Variants in STK11 observed in about 807,000 individuals in gnomAD.
STK11 encodes the protein serine/threonine-protein kinase STK11.
STK11 carries 8 observed loss-of-function variants against 47.3 expected under a neutral mutation model. The ratio of observed to expected loss-of-function variants is 0.17; its 90% confidence interval spans 0.10 to 0.31. The LOEUF (loss-of-function observed/expected upper bound fraction) is 0.31. Among genes scored for constraint, STK11 ranks in the 10% least tolerant of loss-of-function variants. The pLI, the probability that STK11 is intolerant of heterozygous loss-of-function variation, is 1.00. For synonymous variants in STK11, 330 were observed against 255.8 expected (o/e 1.29, Z -2.77); for missense variants, 475 against 605.0 (o/e 0.79, Z 2.25).
intron 8 of STK11, chr19:1,224,673 C>G: frequency 1.0e-6 from 1 of 985,614 alleles, no homozygotes; most frequent in Non-Finnish European, 1.2e-6. Flanking sequence ...CTGTGTGAGA[C>G]CTGGGCTGCC....
intron 8 of STK11, chr19:1,226,210 G>T: frequency 7.3e-7 from 1 of 1,361,440 alleles, no homozygotes; most frequent in East Asian, 2.9e-5. Context: ...CATGGCAGGT[G>T]CAACAGACGT....
intron 1 of STK11, among the ~76,000 whole-genome samples, chr19:1,211,095 C>T (rs1160323359): frequency 6.6e-6 from 1 of 151,718 alleles, no homozygotes; most frequent in African/African-American, 2.4e-5. Flanking sequence ...GCCAATATGG[C>T]GAAACTCCGT....
intron 8 of STK11, chr19:1,225,674 C>T: frequency 2.0e-6 from 2 of 985,592 alleles, no homozygotes; most frequent in African/African-American, 3.5e-5. Flanking sequence ...GGAGCTGGGG[C>T]TCTGCACTGG....
In STK11 at chr19:1,206,725, C is replaced by T. The variant is rs984376251; in HGVS notation, c.-189C>T. On this transcript the variant is annotated 5_prime_UTR_variant, in exon 1 of 10. Transcript: ENST00000326873. ...CCTGCACCGGGCTTGGACTCGCAGC[C>T]GGGACTGACGTGTAGAACAATCGTT... is the stretch of plus-strand genomic sequence containing the variant. 11 of 809,060 alleles carry T rather than the reference C, an allele frequency of 1.4e-5. No individual in the cohort carries two copies. Among genetic ancestry groups the T allele is most frequent in the African/African-American group, 5.2e-5 (3 of 57,552 alleles). 50.1% of individuals were successfully genotyped at this position (809,060 alleles called of 1,614,324 possible).
intron 1 of STK11, among the ~76,000 whole-genome samples, chr19:1,208,883 A>G (rs958423281): frequency 1.3e-5 from 2 of 150,538 alleles, no homozygotes; most frequent in Admixed American, 1.3e-4. Context: ...AGCCTCCCAA[A>G]GTGCTGGGAT....
chr19:1,210,797 G>T lies in STK11; in HGVS notation c.290+3594G>T, dbSNP rs574065348. The stretch of plus-strand genomic sequence containing the variant: ...GAATCACTTGAACCCGGGAAGCAGA[G>T]GTTGCGGTGAGCCAAGACCATGCCA... On this transcript the variant is annotated intron_variant, in intron 1 of 9. Coordinates refer to ENST00000326873, the MANE Select transcript of STK11 (RefSeq NM_000455.5). Among the ~76,000 whole-genome samples, 5 of 152,132 alleles carry T rather than the reference G, an allele frequency of 3.3e-5. No individual in the cohort carries two copies. The East Asian group carries it at 9.7e-4, about 29-fold the overall frequency.
chr19:1,226,390 C>T (rs2080820925), intron 8 of STK11, 64 bp from the exon 9 acceptor site: 2 of 1,571,338 alleles, frequency 1.3e-6, no homozygotes, highest in South Asian at 1.2e-5. Context: ...GGGGGCCAGC[C>T]AGGTCCCTGT....
At chr19:1,219,544 G>GT (rs1407132459) in intron 3 of STK11, 131 bp downstream of exon 3, 4 of 948,240 alleles carry the variant, frequency 4.2e-6, no homozygotes, top group Non-Finnish European at 6.1e-6. Flanking sequence ...TTGTTTTTTT[G>GT]TTTTTTTGTG....
chr19:1,206,815 C>G lies in STK11; in HGVS notation c.-99C>G. On this transcript the variant is annotated 5_prime_UTR_variant, in exon 1 of 10. Transcript: ENST00000326873. ...TTGTTGCCTTTTTTTTTTCTTTTTT[C>G]TTTGTAAAATTTTGGAGAAGGGAAG... 2.3e-6 allele frequency: 3 copies of G among 1,305,648 alleles called. No homozygotes were observed. The highest frequency in any genetic ancestry group is 3.0e-6 in the Non-Finnish European group (3 of 1,001,680). The allele number at this position is 1,305,648 out of a possible 1,614,324, so 80.9% of individuals were successfully genotyped here.
chr19:1,226,465 G>A lies in STK11; in HGVS notation c.1120G>A (p.Glu374Lys), dbSNP rs587782287. 4.3e-6 allele frequency: 7 copies of A among 1,610,966 alleles called. No individual in the cohort carries two copies. Among genetic ancestry groups the A allele is most frequent in the African/African-American group, 4.0e-5 (3 of 74,908 alleles). Residue 374 changes from glutamate to lysine, a missense_variant, in exon 9 of 10, where the codon GAA becomes AAA. This residue lies in a region of STK11 where 219 missense variants were observed against 189.2 expected (regional missense o/e 1.16). Coordinates refer to ENST00000326873, the MANE Select transcript of STK11 (RefSeq NM_000455.5). The stretch of plus-strand genomic sequence containing the variant: ...CGTCTCCCTCCCAGGACAGGTCCCA[G>A]AAGAGGAGGCCAGTCACAATGGACA... ...QDFTVPGQVPEEEASHNGQRR... is the reference protein window; with the variant it reads ...QDFTVPGQVPKEEASHNGQRR...
Position 1,223,495 on chromosome 19 carries a change from C to T in STK11, c.1108+323C>T, listed in dbSNP as rs1038963542. ...CCAGCAGGAGCAGGCGGGGGAGCCCCAGGGTCGGGGGAGGGTAGGTGAGAG... is the reference window on the plus strand; with the variant it reads ...CCAGCAGGAGCAGGCGGGGGAGCCCTAGGGTCGGGGGAGGGTAGGTGAGAG... On this transcript the variant is annotated intron_variant, in intron 8 of 9. Coordinates refer to ENST00000326873, the MANE Select transcript of STK11 (RefSeq NM_000455.5). 8 of 890,180 alleles carry T rather than the reference C, an allele frequency of 9.0e-6. No homozygotes were observed. In the South Asian group the frequency reaches 1.8e-4, roughly 20 times the overall value. The allele number at this position is 890,180 out of a possible 1,614,324, so 55.1% of individuals were successfully genotyped here. A position where few individuals can be genotyped will look rare whatever the true frequency, so the allele number is the denominator to read the frequency against.
intron 1 of STK11, among the ~76,000 whole-genome samples, chr19:1,209,895 C>T (rs1049674455): frequency 6.6e-6 from 1 of 152,140 alleles, no homozygotes; most frequent in African/African-American, 2.4e-5. Flanking sequence ...GTTGGCAGGA[C>T]CTGGACTGGA....
chr19:1,208,164 AG>A (rs926393075), intron 1 of STK11, among the ~76,000 whole-genome samples: 1 of 152,130 alleles, frequency 6.6e-6, no homozygotes, highest in Non-Finnish European at 1.5e-5. Flanking sequence ...CACCCTGCGC[AG>A]GGCACCATGA....
Position 1,227,607 on chromosome 19 carries a change from C to A in STK11, c.*31C>A. On this transcript the variant is annotated 3_prime_UTR_variant, in exon 10 of 10. Transcript: ENST00000326873. Reference sequence around the variant, plus strand: ...CCACCCTGCAGCCCGTGTCCAGGAGCCCCGCCAGGTGCCCGCGCCAGGCCC... The same window carrying A: ...CCACCCTGCAGCCCGTGTCCAGGAGACCCGCCAGGTGCCCGCGCCAGGCCC... 9.4e-7 allele frequency: 1 copy of A among 1,065,568 alleles called. No homozygotes were observed. Among genetic ancestry groups the A allele is most frequent in the Non-Finnish European group, 1.1e-6 (1 of 879,434 alleles). 66.0% of individuals were successfully genotyped at this position (1,065,568 alleles called of 1,614,324 possible). A position where few individuals can be genotyped will look rare whatever the true frequency, so the allele number is the denominator to read the frequency against.
intron 8 of STK11, 124 bp from the exon 9 acceptor site, chr19:1,226,330 C>G (rs563259490): frequency 1.3e-6 from 2 of 1,494,060 alleles, no homozygotes; most frequent in East Asian, 2.5e-5. Flanking sequence ...CTGGGCCTGA[C>G]CCGGGGGCGG....
At chr19:1,210,843 CAA>C (rs745989859) in intron 1 of STK11, among the ~76,000 whole-genome samples, 107 of 145,438 alleles carry the variant, frequency 7.4e-4, no homozygotes, top group African/African-American at 2.4e-3. Flanking sequence ...GCCTGGGTAA[CAA>C]GAGTGAAACT....
Position 1,221,197 on chromosome 19 carries a change from T to A in STK11, c.735-16T>A. The A allele has an allele frequency of 6.2e-7, 1 of 1,610,982 alleles. No individual in the cohort carries two copies. Among genetic ancestry groups the A allele is most frequent in the Admixed American group, 1.7e-5 (1 of 59,928 alleles). On this transcript the variant is annotated splice_polypyrimidine_tract_variant and intron_variant, in intron 5 of 9. Transcript: ENST00000326873. ...CTTGACTGACCACGCCTTTCTTCCC[T>A]CCCCTCGAAATGAAGCTACAACATC...
chr19:1,223,370 G>A (rs2080799619), intron 8 of STK11, among the ~76,000 whole-genome samples, 198 bp downstream of exon 8: 1 of 152,264 alleles, frequency 6.6e-6, no homozygotes. Context: ...TGTGGGGTCA[G>A]CGGGGGCACC....
chr19:1,228,040 G>A lies in STK11; in HGVS notation c.*464G>A. 1 of 1,063,962 alleles carries A rather than the reference G, an allele frequency of 9.4e-7. No individual in the cohort carries two copies. Among genetic ancestry groups the A allele is most frequent in the Non-Finnish European group, 1.1e-6 (1 of 878,292 alleles). The allele number at this position is 1,063,962 out of a possible 1,614,324, so 65.9% of individuals were successfully genotyped here. On this transcript the variant is annotated 3_prime_UTR_variant, in exon 10 of 10. Coordinates refer to ENST00000326873, the MANE Select transcript of STK11 (RefSeq NM_000455.5). ...GGCCGCTTTGGTTTTTTGTTTGGTT[G>A]GTTCCATTTTCTTTTTTTCTTTTTT...
Sources: allele counts gnomAD v4.1 joint callset (sites outside exome capture counted in the v4.1 genomes callset), GRCh38; gene constraint gnomAD v4.1.1; regional missense constraint gnomAD v4.1.1; transcripts MANE v1.5; gene names NCBI Gene and HGNC (gene_info 2026-07-23, HGNC 2026-07-21).